The following STARD6 variants were observed in gnomAD, a reference collection of about 807,000 sequenced individuals.
STARD6 encodes StAR related lipid transfer domain containing 6, also known as stAR-related lipid transfer protein 6.
A neutral mutation model predicts 22.3 loss-of-function variants in STARD6; 21 were observed. The ratio of observed to expected loss-of-function variants is 0.94; its 90% confidence interval spans 0.67 to 1.35. The LOEUF is 1.35. STARD6 is among the 40% of genes most tolerant of loss of function. The pLI, the probability that STARD6 is intolerant of heterozygous loss-of-function variation, is 0.00. For synonymous variants in STARD6, 80 were observed against 88.1 expected (o/e 0.91, Z 0.52); for missense variants, 269 against 266.9 (o/e 1.01, Z -0.05).
At position 54,342,600 on chromosome 18, in the gene STARD6, T is replaced by G. The variant is rs930682230; in HGVS notation, c.141-5349A>C. Among the ~76,000 whole-genome samples, 3 of 119,412 alleles carry G rather than the reference T, an allele frequency of 2.5e-5. No homozygotes were observed. In the East Asian group the frequency reaches 8.5e-4, roughly 34 times the overall value. The allele number at this position is 119,412 out of a possible 152,430, so 78.3% of individuals were successfully genotyped here. A position where few individuals can be genotyped will look rare whatever the true frequency, so the allele number is the denominator to read the frequency against. ...GATTCTCCTGCCTCAGCCTGCCGAG[T>G]GCCTGCGATTGCAGGCACGCGCCGC... On this transcript the variant is annotated intron_variant, in intron 4 of 7. Transcript: ENST00000307844.
chr18:54,351,726 G>A (rs540390700), intron 4 of STARD6, among the ~76,000 whole-genome samples: 15 of 152,070 alleles, frequency 9.9e-5, no homozygotes, highest in Middle Eastern at 3.4e-3. Context: ...TTTTAATTTT[G>A]GTTATGTGAT....
chr18:54,343,074 G>T (rs1052567858), intron 4 of STARD6, among the ~76,000 whole-genome samples: 1 of 16,250 alleles, frequency 6.2e-5, no homozygotes, highest in Non-Finnish European at 1.3e-4. Flanking sequence ...CTGCCCGGCC[G>T]CCCATCGTCT....
intron 4 of STARD6, among the ~76,000 whole-genome samples, chr18:54,339,965 A>G (rs1410383369): frequency 7.2e-5 from 11 of 152,194 alleles, no homozygotes; most frequent in African/African-American, 2.7e-4. Flanking sequence ...ATGGAAATAA[A>G]GCTATATGTG....
chr18:54,345,993 G>T (rs548785694), intron 4 of STARD6, among the ~76,000 whole-genome samples: 1 of 152,246 alleles, frequency 6.6e-6, no homozygotes, highest in East Asian at 1.9e-4. Flanking sequence ...AAATCTTTGT[G>T]ACCTTGGGTC....
At chr18:54,333,146 GCAA>G (rs1000391102) in intron 5 of STARD6, among the ~76,000 whole-genome samples, 5 of 151,950 alleles carry the variant, frequency 3.3e-5, no homozygotes, top group Non-Finnish European at 7.4e-5. Context: ...CATATGACTT[GCAA>G]CAACAATAGA....
chr18:54,330,638 G>A (rs1255737150), intron 6 of STARD6, among the ~76,000 whole-genome samples: 1 of 152,064 alleles, frequency 6.6e-6, no homozygotes, highest in Non-Finnish European at 1.5e-5. Flanking sequence ...TATGAGTACT[G>A]ATTGAAAATT....
chr18:54,356,655 A>G (rs1445836173), intron 1 of STARD6, among the ~76,000 whole-genome samples: 1 of 152,222 alleles, frequency 6.6e-6, no homozygotes, highest in African/African-American at 2.4e-5. Flanking sequence ...TTAAGAAACT[A>G]TTTTAAAGGA....
chr18:54,330,444 T>A (rs946482035), intron 6 of STARD6, among the ~76,000 whole-genome samples: 1 of 152,086 alleles, frequency 6.6e-6, no homozygotes, highest in African/African-American at 2.4e-5. Context: ...AGCACTTATT[T>A]TGGAAAATCA....
At chr18:54,341,074 G>C (rs991638350) in intron 4 of STARD6, among the ~76,000 whole-genome samples, 1 of 151,894 alleles carries the variant, frequency 6.6e-6, no homozygotes, top group African/African-American at 2.4e-5. Context: ...TTTTCTTTTT[G>C]AGACAGAGTC....
At chr18:54,336,539 C>T (rs1258376492) in intron 5 of STARD6, among the ~76,000 whole-genome samples, 5 of 152,166 alleles carry the variant, frequency 3.3e-5, no homozygotes, top group East Asian at 1.9e-4. Flanking sequence ...TCTTCATAGC[C>T]GGCGGACTCA....
At chr18:54,349,061 C>T (rs1392122701) in intron 4 of STARD6, among the ~76,000 whole-genome samples, 1 of 151,980 alleles carries the variant, frequency 6.6e-6, no homozygotes, top group Non-Finnish European at 1.5e-5. Flanking sequence ...TATTTCTAGT[C>T]TGGTGCCTAT....
rs761704934 is a variant in STARD6, at chr18:54,337,152, C to T, written c.240G>A (p.Val80=). The T allele has an allele frequency of 6.2e-6, 10 of 1,613,090 alleles. No homozygotes were observed. Among genetic ancestry groups the T allele is most frequent in the Non-Finnish European group, 8.5e-6 (10 of 1,179,452 alleles). ...AATCAATCCTGTGTACCATATTATA[C>T]ACTTGCAATGATTTATCCCATGTAA... ...DRITWDKSLQ[V]YNMVHRIDSD... is the part of the protein sequence containing the mutation. Residue 80 remains valine, a synonymous_variant, in exon 5 of 8, where the codon GTG becomes GTA. Transcript: ENST00000307844.
intron 6 of STARD6, among the ~76,000 whole-genome samples, chr18:54,330,023 G>A (rs1787843): frequency 0.068 from 10,360 of 151,868 alleles, 408 homozygotes; most frequent in African/African-American, 0.091. Context: ...GCAACCTAGT[G>A]TCTGTATTCT....
In STARD6 at chr18:54,324,860, G is replaced by A. The variant is rs756715958; in HGVS notation, c.495C>T (p.Ser165=). Residue 165 remains serine, a synonymous_variant, in exon 8 of 8, where the codon TCC becomes TCT. Coordinates refer to ENST00000307844, the MANE Select transcript of STARD6 (RefSeq NM_139171.2). ...CTGTCTGGACAAACATCACTAGTTT[G>A]GAATATGCTGGGTTTCTGTAAGCAA... ...CSPMEENPAY[S]KLVMFVQTEM... The A allele has an allele frequency of 8.4e-6, 13 of 1,553,152 alleles. No individual in the cohort carries two copies. Among genetic ancestry groups the A allele is most frequent in the Middle Eastern group, 1.8e-4 (1 of 5,550 alleles).
intron 6 of STARD6, among the ~76,000 whole-genome samples, chr18:54,331,118 C>T (rs530287694): frequency 6.6e-6 from 1 of 152,192 alleles, no homozygotes; most frequent in East Asian, 1.9e-4. Context: ...TAGAGAAAAA[C>T]GGGCTCTATG....
At chr18:54,356,637 A>C (rs2089146520) in intron 1 of STARD6, among the ~76,000 whole-genome samples, 193 bp from the exon 2 acceptor site, 1 of 152,222 alleles carries the variant, frequency 6.6e-6, no homozygotes, top group South Asian at 2.1e-4. Flanking sequence ...TGTTTATAAA[A>C]AGAATCTTTA....
rs775651523 is a variant in STARD6, at chr18:54,354,108, A to C, written c.91-5T>G. On this transcript the variant is annotated splice_region_variant and splice_polypyrimidine_tract_variant and intron_variant, in intron 3 of 7. Coordinates refer to ENST00000307844, the MANE Select transcript of STARD6 (RefSeq NM_139171.2). ...ACTGGAAACAGTTATCTTTTTCTCA[A>C]AGGGGAATAAAAATCCACAAATAAT... The C allele has an allele frequency of 6.5e-7, 1 of 1,544,406 alleles. No homozygotes were observed. Among genetic ancestry groups the C allele is most frequent in the Non-Finnish European group, 8.8e-7 (1 of 1,140,880 alleles).
At chr18:54,339,044 CAAAAAAAAAAAAAAAAAAAAAAAA>C (rs760501311) in intron 4 of STARD6, among the ~76,000 whole-genome samples, 2 of 10,406 alleles carry the variant, frequency 1.9e-4, no homozygotes, top group South Asian at 3.5e-3. Flanking sequence ...GAGACTCCAT[CAAAAAAAAAAAAAAAAAAAAAAAA>C]AAAAAAAAAA....
chr18:54,353,941 CTATT>C (rs201601720), intron 4 of STARD6, 109 bp downstream of exon 4: 3 of 565,866 alleles, frequency 5.3e-6, no homozygotes, highest in East Asian at 3.5e-5. Flanking sequence ...TTAATAATTT[CTATT>C]TATTACTATA....
Sources: allele counts gnomAD v4.1 joint callset (sites outside exome capture counted in the v4.1 genomes callset), GRCh38; gene constraint gnomAD v4.1.1; transcripts MANE v1.5; gene names NCBI Gene and HGNC (gene_info 2026-07-23, HGNC 2026-07-21).